Variants in DPP10 observed in about 807,000 individuals in gnomAD.
The protein encoded by DPP10 is dipeptidyl peptidase like 10, also known as inactive dipeptidyl peptidase 10.
DPP10 carries 33 observed loss-of-function variants against 120.9 expected under a neutral mutation model. The ratio of observed to expected loss-of-function variants is 0.27; its 90% CI spans 0.21 to 0.37. The LOEUF (loss-of-function observed/expected upper bound fraction) is 0.37. Among genes scored for constraint, DPP10 ranks in the 10% least tolerant of loss-of-function variants. The pLI, the probability that DPP10 is intolerant of heterozygous loss-of-function variation, is 1.00. For synonymous variants in DPP10, 337 were observed against 326.1 expected (o/e 1.03, Z -0.36); for missense variants, 816 against 942.8 (o/e 0.87, Z 1.76).
intron 5 of DPP10, among the ~76,000 whole-genome samples, chr2:115,569,572 G>T (rs576753385): frequency 6.6e-6 from 1 of 152,012 alleles, no homozygotes; most frequent in South Asian, 2.1e-4. Flanking sequence ...TTGTATCTAC[G>T]CAATCAAGGG....
chr2:115,057,011 T>C (rs889422032), intron 1 of DPP10, among the ~76,000 whole-genome samples: 1 of 152,134 alleles, frequency 6.6e-6, no homozygotes. Flanking sequence ...CTCAATTAAG[T>C]CTAAAAGAGG....
chr2:115,580,612 C>T (rs2081954973), intron 5 of DPP10, among the ~76,000 whole-genome samples: 1 of 152,046 alleles, frequency 6.6e-6, no homozygotes, highest in Non-Finnish European at 1.5e-5. Flanking sequence ...GGTCTCATGG[C>T]CTTTGCATCT....
At chr2:115,801,992 A>G (rs545791907) in intron 19 of DPP10, among the ~76,000 whole-genome samples, 21 of 152,282 alleles carry the variant, frequency 1.4e-4, no homozygotes, top group Admixed American at 2.0e-4. Context: ...TGATTGGAAT[A>G]GTTTCAGAAG....
At chr2:115,156,802 A>G (rs578059899) in intron 1 of DPP10, among the ~76,000 whole-genome samples, 4 of 152,212 alleles carry the variant, frequency 2.6e-5, no homozygotes, top group Non-Finnish European at 4.4e-5. Flanking sequence ...TGCGATGCCA[A>G]TGTTTCTAAA....
chr2:115,219,753 A>C (rs1266447061), intron 1 of DPP10, among the ~76,000 whole-genome samples: 1 of 152,232 alleles, frequency 6.6e-6, no homozygotes, highest in African/African-American at 2.4e-5. Context: ...TTAAAAGACT[A>C]GCCAACATCT....
chr2:115,326,397 A>G (rs980399596), intron 2 of DPP10, among the ~76,000 whole-genome samples: 3 of 152,114 alleles, frequency 2.0e-5, no homozygotes, highest in East Asian at 1.9e-4. Flanking sequence ...ATAGAATTAC[A>G]TATGGTACAT....
intron 1 of DPP10, among the ~76,000 whole-genome samples, chr2:114,459,492 G>GA (rs1678755659): frequency 6.6e-6 from 1 of 152,114 alleles, no homozygotes. Context: ...TGAGACTTGG[G>GA]AAAATCATAT....
Position 115,126,858 on chromosome 2 carries a change from A to G in DPP10, c.61-182381A>G, listed in dbSNP as rs140960448. Among the ~76,000 whole-genome samples, 435 of 152,340 alleles carry G rather than the reference A, an allele frequency of 2.9e-3. 1 individual carries two copies. The highest frequency in any genetic ancestry group is 9.7e-3 in the African/African-American group (404 of 41,586). ...CAATATTGAGTAGGGGGTTCTTGAA[A>G]ATAACCTAAGTGGCATTTTGGAATA... On this transcript the variant is annotated intron_variant, in intron 1 of 25. Coordinates refer to ENST00000410059, the MANE Select transcript of DPP10 (RefSeq NM_020868.6).
At chr2:115,088,992 G>A (rs1026832406) in intron 1 of DPP10, among the ~76,000 whole-genome samples, 10 of 151,878 alleles carry the variant, frequency 6.6e-5, no homozygotes, top group African/African-American at 2.4e-4. Context: ...TCCCAGGTTG[G>A]CCCCTCATCC....
intron 13 of DPP10, among the ~76,000 whole-genome samples, chr2:115,776,284 A>G (rs571087507): frequency 1.3e-5 from 2 of 152,182 alleles, no homozygotes; most frequent in East Asian, 3.9e-4. Context: ...TATTTCTCCT[A>G]ATGCTATCCC....
At chr2:114,716,917 G>A (rs1701385214) in intron 1 of DPP10, among the ~76,000 whole-genome samples, 1 of 152,042 alleles carries the variant, frequency 6.6e-6, no homozygotes, top group Admixed American at 6.6e-5. Context: ...GCCTACAATG[G>A]CACAACTATC....
intron 5 of DPP10, among the ~76,000 whole-genome samples, chr2:115,586,144 G>A (rs1317637468): frequency 5.3e-5 from 8 of 152,122 alleles, no homozygotes; most frequent in South Asian, 2.1e-4. Context: ...TCAACATGGC[G>A]AAACCCCGTC....
intron 19 of DPP10, among the ~76,000 whole-genome samples, chr2:115,804,223 C>T (rs993635617): frequency 5.9e-5 from 9 of 152,166 alleles, no homozygotes; most frequent in African/African-American, 1.9e-4. Context: ...TTGATCGCAT[C>T]GGTTACTGAG....
intron 1 of DPP10, among the ~76,000 whole-genome samples, chr2:114,651,187 G>A (rs1333956397): frequency 1.3e-5 from 2 of 152,068 alleles, no homozygotes; most frequent in Non-Finnish European, 1.5e-5. Context: ...TTATTCCTAC[G>A]AACTAACATG....
intron 1 of DPP10, among the ~76,000 whole-genome samples, chr2:115,253,691 A>C (rs1332979252): frequency 6.6e-6 from 1 of 152,248 alleles, no homozygotes; most frequent in Non-Finnish European, 1.5e-5. Context: ...CATGTCCCAC[A>C]TCCAAGGCAC....
intron 1 of DPP10, among the ~76,000 whole-genome samples, chr2:114,757,254 G>T (rs1049177101): frequency 7.5e-6 from 1 of 133,378 alleles, no homozygotes; most frequent in Non-Finnish European, 1.6e-5. Flanking sequence ...AGGAAAGAAA[G>T]GGAAGAGGGA....
intron 4 of DPP10, among the ~76,000 whole-genome samples, chr2:115,509,132 A>G (rs571367799): frequency 6.6e-6 from 1 of 152,186 alleles, no homozygotes; most frequent in African/African-American, 2.4e-5. Context: ...TGCTTTTGGA[A>G]ACAAATATAT....
chr2:115,420,102 T>A (rs1308037746), intron 3 of DPP10, among the ~76,000 whole-genome samples: 1 of 152,190 alleles, frequency 6.6e-6, no homozygotes, highest in Non-Finnish European at 1.5e-5. Context: ...TTATGAAATA[T>A]TTCGGTCCAG....
chr2:115,810,844 A>G (rs1686560682), intron 19 of DPP10, among the ~76,000 whole-genome samples: 1 of 152,188 alleles, frequency 6.6e-6, no homozygotes, highest in African/African-American at 2.4e-5. Context: ...TAGAAGGCAA[A>G]TGAGGGAGAC....
Sources: gnomAD v4.1 joint callset for allele counts (sites outside exome capture counted in the v4.1 genomes callset) on GRCh38, gnomAD v4.1.1 for gene constraint, MANE v1.5 for transcripts, NCBI Gene and HGNC (gene_info 2026-07-23, HGNC 2026-07-21) for gene names.